GLCCI1: variants seen among roughly 807,000 people sequenced by gnomAD.
GLCCI1 encodes glucocorticoid-induced transcript 1 protein.
GLCCI1 carries 24 observed loss-of-function variants against 52.2 expected under a neutral mutation model. The observed-to-expected ratio is 0.46, with a 90% CI of 0.33 to 0.65. The LOEUF is 0.65. Among genes scored for constraint, GLCCI1 ranks in the 30% least tolerant of loss-of-function variants. The pLI is 0.02. For missense variants in GLCCI1, 704 were observed against 701.5 expected (o/e 1.00, Z -0.04); for synonymous variants, 310 against 276.5 (o/e 1.12, Z -1.20).
chr7:7,995,416 A>G (rs1780919382), intron 1 of GLCCI1, among the ~76,000 whole-genome samples: 1 of 152,188 alleles, frequency 6.6e-6, no homozygotes, highest in Non-Finnish European at 1.5e-5. Flanking sequence ...AAGCTAAGGC[A>G]GGAGGATCAT....
At chr7:7,972,318 A>AGT (rs1489297903) in intron 1 of GLCCI1, among the ~76,000 whole-genome samples, 1 of 150,322 alleles carries the variant, frequency 6.7e-6, no homozygotes, top group Non-Finnish European at 1.5e-5. Context: ...TGCACACTTC[A>AGT]GTGTATGTGT....
In GLCCI1 at chr7:8,086,744, G is replaced by A; in HGVS notation, c.*206G>A. ...AAGCAGTAATGCTTGCAAAACGTGT[G>A]TGTCATTCAGCATTTTAAGTGGAGA... is the stretch of plus-strand genomic sequence containing the variant. On this transcript the variant is annotated 3_prime_UTR_variant, in exon 8 of 8. Coordinates refer to ENST00000223145, the MANE Select transcript of GLCCI1 (RefSeq NM_138426.4). This position sits in a 1 kb window ranked among gnomAD's most constrained non-coding sequence, Gnocchi z 4.4. 1.8e-6 allele frequency: 1 copy of A among 549,096 alleles called. No individual in the cohort carries two copies. The highest frequency in any genetic ancestry group is 3.2e-6 in the Non-Finnish European group (1 of 312,866). 34.0% of individuals were successfully genotyped at this position (549,096 alleles called of 1,614,324 possible). A position where few individuals can be genotyped will look rare whatever the true frequency, so the allele number is the denominator to read the frequency against.
intron 5 of GLCCI1, chr7:8,070,368 T>C (rs1012717518): frequency 6.6e-5 from 10 of 152,330 alleles, no homozygotes; most frequent in African/African-American, 2.2e-4. Flanking sequence ...TAATAAACTC[T>C]ATTGAGTACT....
At chr7:7,986,198 C>T (rs913832655) in intron 1 of GLCCI1, among the ~76,000 whole-genome samples, 2 of 152,156 alleles carry the variant, frequency 1.3e-5, no homozygotes, top group African/African-American at 2.4e-5. Context: ...AATTCGTATT[C>T]AATTTACATG....
intron 1 of GLCCI1, among the ~76,000 whole-genome samples, chr7:7,992,788 T>C (rs1780868450): frequency 6.6e-6 from 1 of 152,128 alleles, no homozygotes; most frequent in Non-Finnish European, 1.5e-5. Context: ...GTAGTTTTTT[T>C]CTTACCATTT....
At chr7:8,010,799 G>C (rs1781248398) in intron 2 of GLCCI1, among the ~76,000 whole-genome samples, 2 of 152,042 alleles carry the variant, frequency 1.3e-5, no homozygotes, top group Admixed American at 1.3e-4. Context: ...TGTACCTATA[G>C]AAATATATTG....
In GLCCI1 at chr7:8,086,924, AT is replaced by A. The variant is rs1462945814; in HGVS notation, c.*388del. 6.4e-6 allele frequency: 1 copy of A among 157,012 alleles called. No individual in the cohort carries two copies. The highest frequency in any genetic ancestry group is 2.5e-5 in the African/African-American group (1 of 40,424). The allele number at this position is 157,012 out of a possible 1,614,324, so 9.7% of individuals were successfully genotyped here. On this transcript the variant is annotated 3_prime_UTR_variant, in exon 8 of 8. Transcript: ENST00000223145. The surrounding 1 kb of genome is among the most constrained non-coding windows in gnomAD (Gnocchi z 4.4). Reference sequence around the variant, plus strand: ...CCTATGGAAAATACTGTAATTCAGGATTATGTTTACAATTGATCCAGGTGTT... The same window carrying A: ...CCTATGGAAAATACTGTAATTCAGGATATGTTTACAATTGATCCAGGTGTT...
In GLCCI1 at chr7:8,056,843, TTAG is replaced by T. The variant is rs140919766; in HGVS notation, c.813+1298_813+1300del. On this transcript the variant is annotated intron_variant, in intron 4 of 7. Coordinates refer to ENST00000223145, the MANE Select transcript of GLCCI1 (RefSeq NM_138426.4). ...ACAGTAAGATCCTAACAATAAAATA[TTAG>T]TAGCATAATTGTTAAAAAGTCAAGG... 5.0e-3 allele frequency among the ~76,000 whole-genome samples: 756 copies of T among 152,316 alleles called. 14 individuals carry two copies. The East Asian group carries it at 0.074, about 15-fold the overall frequency.
intron 2 of GLCCI1, among the ~76,000 whole-genome samples, chr7:8,014,887 G>A (rs1781344881): frequency 6.6e-6 from 1 of 152,078 alleles, no homozygotes; most frequent in Non-Finnish European, 1.5e-5. Context: ...ATTATATTTG[G>A]TATTTTATTG....
intron 3 of GLCCI1, among the ~76,000 whole-genome samples, chr7:8,023,167 C>T (rs895802260): frequency 6.6e-6 from 1 of 152,140 alleles, no homozygotes; most frequent in Non-Finnish European, 1.5e-5. Flanking sequence ...AGGCACCCAC[C>T]ACCACACCTG....
At chr7:7,981,935 A>T (rs1326992229) in intron 1 of GLCCI1, 7 of 450,262 alleles carry the variant, frequency 1.6e-5, no homozygotes, top group Non-Finnish European at 3.2e-5. Flanking sequence ...ACTGCTCTGA[A>T]GTAAAAGAAG....
intron 1 of GLCCI1, among the ~76,000 whole-genome samples, chr7:7,998,277 C>T (rs144712272): frequency 0.024 from 3,614 of 151,640 alleles, 57 homozygotes; most frequent in Middle Eastern, 0.041. Flanking sequence ...AGTGCAGTGG[C>T]GTGATCTTGG....
intron 2 of GLCCI1, among the ~76,000 whole-genome samples, chr7:8,005,052 G>C (rs1781120049): frequency 1.3e-5 from 2 of 152,072 alleles, no homozygotes; most frequent in Admixed American, 1.3e-4. Flanking sequence ...CTACTCTTTT[G>C]ATTTCCATTC....
chr7:7,973,766 A>G (rs1052174282), intron 1 of GLCCI1, among the ~76,000 whole-genome samples: 2 of 152,114 alleles, frequency 1.3e-5, no homozygotes, highest in Non-Finnish European at 2.9e-5. Flanking sequence ...ATTCTAAAAG[A>G]TAATGCAAAT....
At chr7:8,055,582 T>C (rs748474842) in intron 4 of GLCCI1, 33 bp downstream of exon 4, 1 of 1,229,388 alleles carries the variant, frequency 8.1e-7, no homozygotes, top group Non-Finnish European at 1.2e-6. Flanking sequence ...TTTGAATAAT[T>C]ACTTTTAGTT....
chr7:8,046,530 A>T (rs984664439), intron 3 of GLCCI1, among the ~76,000 whole-genome samples: 4 of 152,214 alleles, frequency 2.6e-5, no homozygotes, highest in African/African-American at 7.2e-5. Flanking sequence ...TCTGCATGAT[A>T]AAAGTTTGGT....
chr7:8,061,648 C>T (rs1782517297), intron 5 of GLCCI1, among the ~76,000 whole-genome samples: 1 of 138,808 alleles, frequency 7.2e-6, no homozygotes, highest in Admixed American at 7.7e-5. Context: ...CTCTGTTTAC[C>T]ATTGAACTCT....
chr7:7,985,235 TGAGA>T (rs1280482387), intron 1 of GLCCI1, among the ~76,000 whole-genome samples: 2 of 151,974 alleles, frequency 1.3e-5, no homozygotes, highest in Non-Finnish European at 2.9e-5. Flanking sequence ...TGTATGTGTA[TGAGA>T]GAGGGAGGGA....
Position 8,082,558 on chromosome 7 carries a change from G to T in GLCCI1, c.1178-2339G>T, listed in dbSNP as rs539683336. 6.6e-5 allele frequency among the ~76,000 whole-genome samples: 10 copies of T among 151,996 alleles called. No individual in the cohort carries two copies. The East Asian group carries it at 1.5e-3, about 23-fold the overall frequency. On this transcript the variant is annotated intron_variant, in intron 6 of 7. Transcript: ENST00000223145. ...TAGTCTCAAAATTTTTTTCTTACAA[G>T]CTTTGCCTTTCCAGACCATCTAACA...
Sources: allele counts gnomAD v4.1 joint callset (sites outside exome capture counted in the v4.1 genomes callset), GRCh38; gene constraint gnomAD v4.1.1; non-coding constraint Gnocchi (gnomAD v3.1); transcripts MANE v1.5; gene names NCBI Gene and HGNC (gene_info 2026-07-23, HGNC 2026-07-21).